FOCAD: variants seen among roughly 807,000 people sequenced by gnomAD.
FOCAD encodes KIAA1797.
A neutral mutation model predicts 225.6 loss-of-function variants in FOCAD; 198 were observed. The observed-to-expected ratio is 0.88, with a 90% CI of 0.78 to 0.99. The LOEUF (loss-of-function observed/expected upper bound fraction) is 0.99. Ranked by LOEUF, FOCAD falls within the 50% of genes least tolerant of loss-of-function variation. The pLI is 0.00. For missense variants in FOCAD, 2,713 were observed against 2,123.6 expected (o/e 1.28, Z -5.46); for synonymous variants, 897 against 755.0 (o/e 1.19, Z -3.08).
chr9:20,717,652 A>T, intron 2 of FOCAD, 142 bp from the exon 3 acceptor site: 1 of 601,956 alleles, frequency 1.7e-6, no homozygotes, highest in South Asian at 2.2e-5. Flanking sequence ...GCCTAATTCA[A>T]TGCCTTCTAC....
chr9:20,742,312 C>T (rs557334461), intron 5 of FOCAD, among the ~76,000 whole-genome samples: 1 of 152,306 alleles, frequency 6.6e-6, no homozygotes, highest in Admixed American at 6.5e-5. Context: ...ACAATGAGTA[C>T]AAAGTGGTGT....
chr9:20,751,255 A>G (rs1828516625), intron 5 of FOCAD, among the ~76,000 whole-genome samples: 1 of 148,056 alleles, frequency 6.8e-6, no homozygotes, highest in Non-Finnish European at 1.5e-5. Context: ...GGTGCGCTGC[A>G]CCCACTAACT....
intron 7 of FOCAD, 109 bp from the exon 8 acceptor site, chr9:20,769,923 C>G (rs530555906): frequency 5.2e-6 from 5 of 952,924 alleles, no homozygotes; most frequent in South Asian, 5.1e-5. Context: ...TCCTTTAAGT[C>G]TTTATAGGTT....
intron 39 of FOCAD, among the ~76,000 whole-genome samples, chr9:20,984,802 T>A (rs1841003043): frequency 6.6e-6 from 1 of 152,154 alleles, no homozygotes; most frequent in Admixed American, 6.5e-5. Flanking sequence ...AGTTCCTTTT[T>A]TAAAAAAAAT....
chr9:20,802,049 A>T (rs1244668276), intron 11 of FOCAD, among the ~76,000 whole-genome samples: 1 of 152,116 alleles, frequency 6.6e-6, no homozygotes, highest in Non-Finnish European at 1.5e-5. Context: ...GAAGTTGGGC[A>T]CTCAGCCGTT....
intron 2 of FOCAD, among the ~76,000 whole-genome samples, chr9:20,661,373 T>C (rs1375930471): frequency 6.6e-6 from 1 of 152,138 alleles, no homozygotes; most frequent in Non-Finnish European, 1.5e-5. Flanking sequence ...AGACAACATG[T>C]ATTATAAGAT....
At chr9:20,835,133 C>T (rs1825872309) in intron 15 of FOCAD, among the ~76,000 whole-genome samples, 1 of 151,874 alleles carries the variant, frequency 6.6e-6, no homozygotes, top group South Asian at 2.1e-4. Context: ...TCAAACTGTA[C>T]AATTAAGATC....
chr9:20,779,393 C>G (rs1490356002), intron 9 of FOCAD, among the ~76,000 whole-genome samples: 1 of 152,164 alleles, frequency 6.6e-6, no homozygotes, highest in Non-Finnish European at 1.5e-5. Context: ...ACAATGAGAG[C>G]TCTAAATTAT....
At chr9:20,680,059 T>C (rs975262113), upstream of FOCAD, among the ~76,000 whole-genome samples, 1 of 152,240 alleles carries the variant, frequency 6.6e-6, no homozygotes, top group African/African-American at 2.4e-5. Context: ...TCCTAAGTTA[T>C]AGCTCAATCA....
Position 20,866,917 on chromosome 9 carries a change from T to TTTTAAAATA in FOCAD, c.2107-12_2107-11insTTTAAAATA. Reference sequence around the variant, plus strand: ...TTTTTTTTTTTTTTTTTTTTTTTTTTACCCTATCTAGGACCCAATTGTAGC... The same window carrying TTTTAAAATA: ...TTTTTTTTTTTTTTTTTTTTTTTTTTTTTAAAATAACCCTATCTAGGACCCAATTGTAGC... On this transcript the variant is annotated splice_polypyrimidine_tract_variant and intron_variant, in intron 17 of 43. Transcript: ENST00000338382. The TTTTAAAATA allele has an allele frequency of 1.3e-6, 1 of 764,972 alleles. No individual in the cohort carries two copies. The highest frequency in any genetic ancestry group is 2.0e-6 in the Non-Finnish European group (1 of 498,468). 47.4% of individuals were successfully genotyped at this position (764,972 alleles called of 1,614,324 possible). A position where few individuals can be genotyped will look rare whatever the true frequency, so the allele number is the denominator to read the frequency against.
intron 9 of FOCAD, 84 bp from the exon 10 acceptor site, chr9:20,781,643 T>C (rs1194644032): frequency 5.9e-6 from 7 of 1,178,274 alleles, no homozygotes; most frequent in Non-Finnish European, 8.8e-6. Flanking sequence ...AAAACTTTCT[T>C]GCATATCATT....
At chr9:20,689,073 T>G (rs1470839008) in intron 1 of FOCAD, among the ~76,000 whole-genome samples, 2 of 152,172 alleles carry the variant, frequency 1.3e-5, no homozygotes, top group Non-Finnish European at 2.9e-5. Context: ...GCTGAAAGAT[T>G]GAGATAACAT....
At chr9:20,892,517 G>C (rs1451669083) in intron 21 of FOCAD, among the ~76,000 whole-genome samples, 1 of 152,088 alleles carries the variant, frequency 6.6e-6, no homozygotes, top group African/African-American at 2.4e-5. Context: ...TTCGGTGGAG[G>C]AAGTCACTGC....
rs976282769 is a variant in FOCAD, at chr9:20,986,323, C to G, written c.4764C>G (p.Tyr1588Ter). 2 of 1,380,838 alleles carry G rather than the reference C, an allele frequency of 1.4e-6. No individual in the cohort carries two copies. The highest frequency in any genetic ancestry group is 1.9e-6 in the Non-Finnish European group (2 of 1,047,584). The allele number at this position is 1,380,838 out of a possible 1,614,324, so 85.5% of individuals were successfully genotyped here. A position where few individuals can be genotyped will look rare whatever the true frequency, so the allele number is the denominator to read the frequency against. Residue 1588 changes from tyrosine (Y) to a stop codon, truncating the protein, a stop_gained, in exon 40 of 44, where the codon TAC (tyrosine) becomes TAG (stop). Coordinates refer to ENST00000338382, the MANE Select transcript of FOCAD (RefSeq NM_001375567.1). LOFTEE classifies it high-confidence loss of function. ...NIEKAAFVKL[Y>*]LVSQGRFPLV... ...AAAAAGCTGCCTTTGTCAAACTGTA[C>G]TTAGTCTCTCAAGGACGATTCCCCT...
At chr9:20,934,441 A>G (rs948800654) in intron 28 of FOCAD, among the ~76,000 whole-genome samples, 4 of 151,874 alleles carry the variant, frequency 2.6e-5, no homozygotes, top group Non-Finnish European at 5.9e-5. Flanking sequence ...GTAGCTTGCC[A>G]ATTAAGCTTA....
At chr9:20,772,870 A>G (rs1190622940) in intron 8 of FOCAD, among the ~76,000 whole-genome samples, 1 of 151,882 alleles carries the variant, frequency 6.6e-6, no homozygotes, top group Non-Finnish European at 1.5e-5. Flanking sequence ...TCTATTATAC[A>G]GTTACATATG....
intron 21 of FOCAD, among the ~76,000 whole-genome samples, chr9:20,892,106 A>T (rs1564119693): frequency 6.6e-6 from 1 of 152,186 alleles, no homozygotes; most frequent in South Asian, 2.1e-4. Context: ...ATCCCACATT[A>T]AGAACTACTG....
chr9:20,727,867 C>A (rs1480411786), intron 4 of FOCAD, among the ~76,000 whole-genome samples: 1 of 152,150 alleles, frequency 6.6e-6, no homozygotes, highest in South Asian at 2.1e-4. Context: ...AAACCCAAAC[C>A]CTTTTAATTC....
At chr9:20,940,445 T>C (rs1478150381) in intron 28 of FOCAD, among the ~76,000 whole-genome samples, 6 of 152,020 alleles carry the variant, frequency 3.9e-5, no homozygotes, top group African/African-American at 1.4e-4. Context: ...CAACCATGCT[T>C]GACTAATTTT....
Sources: allele counts gnomAD v4.1 joint callset (sites outside exome capture counted in the v4.1 genomes callset), GRCh38; gene constraint gnomAD v4.1.1; transcripts MANE v1.5; gene names NCBI Gene and HGNC (gene_info 2026-07-23, HGNC 2026-07-21).